Variants in DLG2 observed in about 807,000 individuals in gnomAD.
The protein encoded by DLG2 is disks large homolog 2.
DLG2 carries 45 observed loss-of-function variants against 132.5 expected under a neutral mutation model. The ratio of observed to expected loss-of-function variants is 0.34; its 90% CI spans 0.27 to 0.44. DLG2 has a LOEUF of 0.44. Among genes scored for constraint, DLG2 ranks in the 20% least tolerant of loss-of-function variants. DLG2 has a pLI of 1.00. For synonymous variants in DLG2, 424 were observed against 419.6 expected (o/e 1.01, Z -0.13); for missense variants, 1,045 against 1,196.9 (o/e 0.87, Z 1.87).
chr11:85,131,607 G>A (rs2075715935), intron 5 of DLG2, among the ~76,000 whole-genome samples: 1 of 152,020 alleles, frequency 6.6e-6, no homozygotes, highest in East Asian at 1.9e-4. Context: ...TAATTTAGAG[G>A]CCTAGTCAAC....
Position 83,740,399 on chromosome 11 carries a change from A to G in DLG2, c.1825+46291T>C, listed in dbSNP as rs577535356. Among the ~76,000 whole-genome samples the G allele has an allele frequency of 2.1e-4, 32 of 152,348 alleles. No individual in the cohort carries two copies. In the South Asian group the frequency reaches 6.6e-3, roughly 32 times the overall value. The stretch of plus-strand genomic sequence containing the variant: ...CATCAAGCTGAGTTTAAGAAACCAG[A>G]CACAAAAGATTATATACTATATGAT... On this transcript the variant is annotated intron_variant, in intron 18 of 27. Coordinates refer to ENST00000376104, the MANE Select transcript of DLG2 (RefSeq NM_001142699.3).
At chr11:83,786,635 G>T in intron 18 of DLG2, 55 bp downstream of exon 18, 2 of 1,448,826 alleles carry the variant, frequency 1.4e-6, no homozygotes, top group East Asian at 2.3e-5. Flanking sequence ...AGTAATGAGG[G>T]TACAGATCCA....
At chr11:84,711,949 T>C (rs1285361419) in intron 6 of DLG2, among the ~76,000 whole-genome samples, 1 of 152,048 alleles carries the variant, frequency 6.6e-6, no homozygotes, top group East Asian at 1.9e-4. Flanking sequence ...ATGAATATAA[T>C]ATGGCTCCTG....
chr11:84,116,563 C>T (rs2093642898), intron 9 of DLG2, among the ~76,000 whole-genome samples: 1 of 152,176 alleles, frequency 6.6e-6, no homozygotes. Flanking sequence ...GACTTATTCA[C>T]TATCAGGAGA....
At chr11:83,681,001 A>C (rs2078690158) in intron 18 of DLG2, among the ~76,000 whole-genome samples, 1 of 152,212 alleles carries the variant, frequency 6.6e-6, no homozygotes, top group Non-Finnish European at 1.5e-5. Context: ...AATAGTGTAC[A>C]GGTAAACACT....
chr11:84,516,828 A>G (rs1054992823), intron 7 of DLG2, among the ~76,000 whole-genome samples: 1 of 151,134 alleles, frequency 6.6e-6, no homozygotes, highest in African/African-American at 2.4e-5. Context: ...CCTCAACATA[A>G]TATTAGCAAT....
At chr11:84,856,034 G>T (rs992261215) in intron 6 of DLG2, among the ~76,000 whole-genome samples, 2 of 151,936 alleles carry the variant, frequency 1.3e-5, no homozygotes, top group African/African-American at 2.4e-5. Context: ...GTCACAGAGG[G>T]TTGCATAAAA....
rs917588121 is a variant in DLG2 at position 84,723,523 on chromosome 11, G to C, written c.358-188792C>G. Among the ~76,000 whole-genome samples the C allele has an allele frequency of 1.3e-4, 20 of 152,166 alleles. 1 individual carries two copies. The highest frequency in any genetic ancestry group is 5.2e-4 in the Admixed American group (8 of 15,280). Reference sequence around the variant, plus strand: ...TTCTCCTCTCCAAATAATAACTCTGGGGTAAATTGGAGGGGAAGATGAGGG... The same window carrying C: ...TTCTCCTCTCCAAATAATAACTCTGCGGTAAATTGGAGGGGAAGATGAGGG... On this transcript the variant is annotated intron_variant, in intron 6 of 27. Coordinates refer to ENST00000376104, the MANE Select transcript of DLG2 (RefSeq NM_001142699.3).
At chr11:84,971,359 T>C (rs570035561) in intron 6 of DLG2, among the ~76,000 whole-genome samples, 10 of 152,328 alleles carry the variant, frequency 6.6e-5, no homozygotes, top group African/African-American at 2.2e-4. Context: ...AGTAAGATGA[T>C]GTGTTAAAAA....
chr11:84,406,701 G>A (rs1215500901), intron 7 of DLG2, among the ~76,000 whole-genome samples: 2 of 152,130 alleles, frequency 1.3e-5, no homozygotes, highest in Admixed American at 1.3e-4. Context: ...ATTCTGGAGG[G>A]AGCAGAATTC....
In DLG2 at chr11:83,663,432, T is replaced by G. The variant is rs190002438; in HGVS notation, c.1826-30107A>C. ...GAGCACCATTGCAGCTGAAAACCTC[T>G]CTATACATAGGCAAAGGACATTCAT... On this transcript the variant is annotated intron_variant, in intron 18 of 27. Transcript: ENST00000376104. 7.2e-5 allele frequency among the ~76,000 whole-genome samples: 11 copies of G among 152,304 alleles called. No homozygotes were observed. In the East Asian group the frequency reaches 2.1e-3, roughly 29 times the overall value.
chr11:84,251,184 C>A, intron 8 of DLG2, 54 bp downstream of exon 8: 3 of 1,090,602 alleles, frequency 2.8e-6, no homozygotes, highest in Non-Finnish European at 3.9e-6. Flanking sequence ...TAAATTCAGC[C>A]AATTAAGTTC....
intron 3 of DLG2, among the ~76,000 whole-genome samples, chr11:85,493,459 T>C (rs1012704846): frequency 1.3e-5 from 2 of 152,208 alleles, no homozygotes; most frequent in Admixed American, 1.3e-4. Flanking sequence ...GCTGCCTTAG[T>C]ATGCTTGTTT....
intron 15 of DLG2, among the ~76,000 whole-genome samples, chr11:83,927,995 G>A (rs2079312149): frequency 6.6e-6 from 1 of 152,062 alleles, no homozygotes; most frequent in Non-Finnish European, 1.5e-5. Context: ...GTATGGAGGA[G>A]GAGCAAAGTG....
intron 7 of DLG2, among the ~76,000 whole-genome samples, chr11:84,364,361 G>T (rs1445561499): frequency 1.3e-5 from 2 of 152,048 alleles, no homozygotes; most frequent in African/African-American, 2.4e-5. Flanking sequence ...CATTGATTTT[G>T]TATCCTGAGA....
At chr11:83,790,853 C>G in intron 17 of DLG2, 1 of 743,900 alleles carries the variant, frequency 1.3e-6, no homozygotes, top group Non-Finnish European at 2.4e-6. Flanking sequence ...AAGAACTGTC[C>G]AGACAATAGC....
At chr11:84,642,117 A>AGTGT (rs139383928) in intron 6 of DLG2, among the ~76,000 whole-genome samples, 6,232 of 138,722 alleles carry the variant, frequency 0.045, 274 homozygotes, top group African/African-American at 0.11. Flanking sequence ...GTATATGTAG[A>AGTGT]GTGTGTGTGT....
intron 7 of DLG2, among the ~76,000 whole-genome samples, chr11:84,328,642 C>A (rs1027667631): frequency 6.9e-6 from 1 of 145,358 alleles, no homozygotes; most frequent in Admixed American, 6.9e-5. Context: ...ATTTATCAAA[C>A]GGTTAAAAAA....
At chr11:84,840,541 C>T (rs2080496557) in intron 6 of DLG2, among the ~76,000 whole-genome samples, 1 of 152,096 alleles carries the variant, frequency 6.6e-6, no homozygotes, top group Non-Finnish European at 1.5e-5. Context: ...CACATGCACA[C>T]ATATGTTTAT....
Sources: gnomAD v4.1 joint callset for allele counts (sites outside exome capture counted in the v4.1 genomes callset) on GRCh38, gnomAD v4.1.1 for gene constraint, MANE v1.5 for transcripts, NCBI Gene and HGNC (gene_info 2026-07-23, HGNC 2026-07-21) for gene names.